The following EYS variants were observed in gnomAD, a reference collection of about 807,000 sequenced individuals.
EYS encodes the protein protein eyes shut homolog.
A neutral mutation model predicts 282.1 loss-of-function variants in EYS; 250 were observed. The ratio of observed to expected loss-of-function variants is 0.89; its 90% confidence interval spans 0.80 to 0.98. The LOEUF is 0.98. Among genes scored for constraint, EYS ranks in the 50% least tolerant of loss-of-function variants. The pLI, the probability that EYS is intolerant of heterozygous loss-of-function variation, is 0.00. For missense variants in EYS, 4,016 were observed against 3,709.0 expected, an observed-to-expected ratio of 1.08 and a Z score of -2.15; for synonymous variants, 1,355 against 1,282.9, an observed-to-expected ratio of 1.06 and a Z score of -1.20.
chr6:65,671,792 G>C (rs887175300), intron 1 of EYS, among the ~76,000 whole-genome samples: 7 of 152,078 alleles, frequency 4.6e-5, no homozygotes, highest in African/African-American at 1.7e-4. Context: ...CAATCAGAAG[G>C]AAGATCCTAA....
chr6:65,242,880 T>A (rs988768980), intron 12 of EYS, among the ~76,000 whole-genome samples: 31 of 152,132 alleles, frequency 2.0e-4, no homozygotes, highest in Admixed American at 2.0e-4. Context: ...TGATGTCAAG[T>A]ATATTTTTGT....
chr6:65,164,606 T>A (rs556848079), intron 12 of EYS, among the ~76,000 whole-genome samples: 15 of 151,486 alleles, frequency 9.9e-5, no homozygotes, highest in Admixed American at 8.6e-4. Context: ...ACATATATAC[T>A]ATTTACACTG....
chr6:65,447,874 A>C (rs901980740), intron 5 of EYS, among the ~76,000 whole-genome samples: 1 of 152,060 alleles, frequency 6.6e-6, no homozygotes. Flanking sequence ...TTGGCAGAGA[A>C]TGGAAGAAAG....
At chr6:65,164,662 A>T (rs929226546) in intron 12 of EYS, among the ~76,000 whole-genome samples, 2 of 151,346 alleles carry the variant, frequency 1.3e-5, no homozygotes, top group Non-Finnish European at 3.0e-5. Flanking sequence ...ATAACAAAAC[A>T]TTACAAACTG....
intron 5 of EYS, among the ~76,000 whole-genome samples, chr6:65,440,347 A>G (rs1008677990): frequency 4.0e-5 from 6 of 151,566 alleles, no homozygotes; most frequent in African/African-American, 1.5e-4. Context: ...GAAAACTTAC[A>G]ATGCATGTTA....
Position 64,299,984 on chromosome 6 carries a change from G to C in EYS, c.6191+6986C>G, listed in dbSNP as rs113845274. Among the ~76,000 whole-genome samples, 858 of 152,226 alleles carry C rather than the reference G, an allele frequency of 5.6e-3. 6 individuals are homozygous for C. The highest frequency in any genetic ancestry group is 0.02 in the African/African-American group (816 of 41,522). ...GCTATCACCAGGCCAAAATAACAAA[G>C]AGGAAATGGAGGTTTGCCTGAGTCC... On this transcript the variant is annotated intron_variant, in intron 30 of 42. Coordinates refer to ENST00000503581, the MANE Select transcript of EYS (RefSeq NM_001142800.2).
chr6:64,114,706 T>C (rs950990535), intron 31 of EYS, among the ~76,000 whole-genome samples: 1 of 152,122 alleles, frequency 6.6e-6, no homozygotes, highest in African/African-American at 2.4e-5. Flanking sequence ...ACAGCCACCA[T>C]AGTAGGTGTG....
At chr6:65,444,862 C>CAATA (rs1768592215) in intron 5 of EYS, among the ~76,000 whole-genome samples, 1 of 151,922 alleles carries the variant, frequency 6.6e-6, no homozygotes, top group South Asian at 2.1e-4. Flanking sequence ...GAAGCAGGAC[C>CAATA]AATATATTGC....
At chr6:64,568,431 C>T (rs374289487) in intron 26 of EYS, among the ~76,000 whole-genome samples, 23 of 152,286 alleles carry the variant, frequency 1.5e-4, no homozygotes, top group African/African-American at 5.5e-4. Flanking sequence ...GTTTAAAATA[C>T]AGCTTCTCTC....
chr6:64,738,067 A>G (rs1772242734), intron 22 of EYS, among the ~76,000 whole-genome samples: 1 of 152,182 alleles, frequency 6.6e-6, no homozygotes, highest in South Asian at 2.1e-4. Context: ...AATGAAATAA[A>G]AACAATTGTG....
chr6:65,148,505 T>G (rs6940711), intron 12 of EYS, among the ~76,000 whole-genome samples: 152,243 of 152,250 alleles, frequency 1, 76,118 homozygotes, highest in Middle Eastern at 1. Context: ...CTGTGGCTTT[T>G]CAGGGTACCG....
At chr6:64,470,189 T>A (rs1284277554) in intron 26 of EYS, among the ~76,000 whole-genome samples, 2 of 152,160 alleles carry the variant, frequency 1.3e-5, no homozygotes, top group African/African-American at 4.8e-5. Flanking sequence ...GTCTTTTCTC[T>A]CTTTGTCTTG....
intron 2 of EYS, among the ~76,000 whole-genome samples, chr6:65,612,771 TA>T (rs11385339): frequency 4.0e-5 from 6 of 151,332 alleles, no homozygotes; most frequent in African/African-American, 1.4e-4. Flanking sequence ...TATTATAACT[TA>T]AAAAAGCAAG....
chr6:64,168,728 T>C (rs1764379377), intron 31 of EYS, among the ~76,000 whole-genome samples: 1 of 152,198 alleles, frequency 6.6e-6, no homozygotes, highest in African/African-American at 2.4e-5. Flanking sequence ...GATTAAGGAT[T>C]ACTTGGGGTA....
intron 33 of EYS, among the ~76,000 whole-genome samples, chr6:64,036,127 A>T (rs1159830464): frequency 6.6e-6 from 1 of 152,242 alleles, no homozygotes; most frequent in Non-Finnish European, 1.5e-5. Context: ...ATGTACAGTG[A>T]CAACTTAGAT....
chr6:65,644,791 C>T (rs559878469), intron 1 of EYS, among the ~76,000 whole-genome samples: 80 of 152,172 alleles, frequency 5.3e-4, no homozygotes, highest in African/African-American at 1.7e-3. Context: ...AATTATCAGC[C>T]GAGAATTTTG....
intron 2 of EYS, among the ~76,000 whole-genome samples, chr6:65,561,450 T>G (rs1256476220): frequency 6.6e-6 from 1 of 152,148 alleles, no homozygotes; most frequent in Non-Finnish European, 1.5e-5. Flanking sequence ...TTCTATTTCA[T>G]TTGTCATTGA....
rs528652062 is a variant in EYS, at chr6:65,151,453, G to A, written c.2024-93726C>T. 5.9e-5 allele frequency among the ~76,000 whole-genome samples: 9 copies of A among 152,038 alleles called. No individual in the cohort carries two copies. In the East Asian group the frequency reaches 1.8e-3, roughly 30 times the overall value. ...GCTATTTAAGATTGTCAAGATTTGGGGAACTAAGTGACTCATTGGATTCAG... is the reference window on the plus strand; with the variant it reads ...GCTATTTAAGATTGTCAAGATTTGGAGAACTAAGTGACTCATTGGATTCAG... On this transcript the variant is annotated intron_variant, in intron 12 of 42. Coordinates refer to ENST00000503581, the MANE Select transcript of EYS (RefSeq NM_001142800.2).
intron 22 of EYS, among the ~76,000 whole-genome samples, chr6:64,713,829 A>C (rs948557269): frequency 1.3e-5 from 2 of 152,124 alleles, no homozygotes; most frequent in African/African-American, 4.8e-5. Context: ...TGTATTTCTT[A>C]TTCCACTGGA....
Sources: gnomAD v4.1 joint callset for allele counts (sites outside exome capture counted in the v4.1 genomes callset) on GRCh38, gnomAD v4.1.1 for gene constraint, MANE v1.5 for transcripts, NCBI Gene and HGNC (gene_info 2026-07-23, HGNC 2026-07-21) for gene names.